Variants in ELK3 observed in about 807,000 individuals in gnomAD.
ELK3 encodes ETS transcription factor ELK3.
In ELK3, 10 loss-of-function variants were observed where a neutral mutation model predicts 28.9. That is an observed-to-expected ratio of 0.35 (90% CI 0.21 to 0.59). ELK3 has a LOEUF of 0.59. Ranked by LOEUF, ELK3 falls within the 20% of genes least tolerant of loss-of-function variation. The pLI is 0.82. For missense variants in ELK3, 463 were observed against 517.3 expected, an observed-to-expected ratio of 0.90 and a Z score of 1.02; for synonymous variants, 272 against 243.5, an observed-to-expected ratio of 1.12 and a Z score of -1.09.
chr12:96,232,944 G>A (rs545247889), intron 2 of ELK3, among the ~76,000 whole-genome samples: 18 of 152,172 alleles, frequency 1.2e-4, no homozygotes, highest in African/African-American at 3.6e-4. Flanking sequence ...CTCCAGCCTC[G>A]GCAACAGAGT....
chr12:96,253,851 G>A (rs900109004), intron 3 of ELK3, among the ~76,000 whole-genome samples: 8 of 152,264 alleles, frequency 5.3e-5, no homozygotes, highest in African/African-American at 1.9e-4. Context: ...CTAAGCATTC[G>A]CTTAGATACC....
intron 1 of ELK3, among the ~76,000 whole-genome samples, chr12:96,208,805 G>C (rs746611702): frequency 6.6e-6 from 1 of 152,236 alleles, no homozygotes; most frequent in Non-Finnish European, 1.5e-5. Flanking sequence ...CTCTCTCCAA[G>C]ATAGAACCAG....
intron 2 of ELK3, among the ~76,000 whole-genome samples, chr12:96,229,052 C>G (rs1056191586): frequency 1.3e-5 from 2 of 152,166 alleles, no homozygotes; most frequent in African/African-American, 4.8e-5. Flanking sequence ...TCTGGATGCA[C>G]CACTTTTGTC....
At chr12:96,250,046 A>G (rs984901622) in intron 3 of ELK3, among the ~76,000 whole-genome samples, 2 of 152,192 alleles carry the variant, frequency 1.3e-5, no homozygotes, top group African/African-American at 4.8e-5. Context: ...GGCAACAGGC[A>G]GCATCTGGAC....
At chr12:96,255,855 A>G (rs924295234) in intron 3 of ELK3, among the ~76,000 whole-genome samples, 1 of 152,214 alleles carries the variant, frequency 6.6e-6, no homozygotes. Flanking sequence ...GTCACCATAT[A>G]TAGGGTCAAA....
intron 3 of ELK3, among the ~76,000 whole-genome samples, chr12:96,256,582 T>C (rs1951950869): frequency 6.6e-6 from 1 of 152,122 alleles, no homozygotes; most frequent in African/African-American, 2.4e-5. Flanking sequence ...AGTTCATTGG[T>C]ATTTAGGAGA....
rs374141266 is a variant in ELK3 at position 96,234,146 on chromosome 12, G to A, written c.207+10373G>A. 9.7e-4 allele frequency among the ~76,000 whole-genome samples: 147 copies of A among 152,322 alleles called. 2 individuals are homozygous for A. Among genetic ancestry groups the A allele is most frequent in the African/African-American group, 3.4e-3 (142 of 41,574 alleles). ...GGCTGCTGGGAGCAGGGGGCTGCGTGTTGACTGAAGGTGCTGCCTGTCTTG... is the reference window on the plus strand; with the variant it reads ...GGCTGCTGGGAGCAGGGGGCTGCGTATTGACTGAAGGTGCTGCCTGTCTTG... On this transcript the variant is annotated intron_variant, in intron 2 of 4. Transcript: ENST00000228741.
intron 3 of ELK3, among the ~76,000 whole-genome samples, chr12:96,252,996 C>T (rs1055564401): frequency 6.6e-6 from 1 of 152,212 alleles, no homozygotes; most frequent in African/African-American, 2.4e-5. Context: ...TGCGCTGGCT[C>T]ACGCCTGTAA....
intron 3 of ELK3, among the ~76,000 whole-genome samples, chr12:96,250,852 C>A (rs1247468237): frequency 6.6e-6 from 1 of 152,062 alleles, no homozygotes. Flanking sequence ...TAACCCGATA[C>A]CCTGAAGGTA....
rs183778352 is a variant in ELK3 at position 96,224,109 on chromosome 12, G to A, written c.207+336G>A. On this transcript the variant is annotated intron_variant, in intron 2 of 4. Transcript: ENST00000228741. ...ATGACACAATGCGTGTTAAAATCCGGAAAGTCTGTTTATCCTGTCTGGTTT... is the reference window on the plus strand; with the variant it reads ...ATGACACAATGCGTGTTAAAATCCGAAAAGTCTGTTTATCCTGTCTGGTTT... 845 of 265,444 alleles carry A rather than the reference G, an allele frequency of 3.2e-3. 6 individuals carry two copies. Among genetic ancestry groups the A allele is most frequent in the Non-Finnish European group, 4.4e-3 (603 of 136,854 alleles). The allele number at this position is 265,444 out of a possible 1,614,324, so 16.4% of individuals were successfully genotyped here.
chr12:96,254,660 T>G lies in ELK3; in HGVS notation c.1003-5071T>G, dbSNP rs138912411. Among the ~76,000 whole-genome samples, 77 of 151,834 alleles carry G rather than the reference T, an allele frequency of 5.1e-4. 1 individual carries two copies. The East Asian group carries it at 0.013, about 25-fold the overall frequency. On this transcript the variant is annotated intron_variant, in intron 3 of 4. Transcript: ENST00000228741. ...GCTGGGGCTACAAACGTGGATAAAATAGTCTCTGATAGTTAGGAGCTCATA... is the reference window on the plus strand; with the variant it reads ...GCTGGGGCTACAAACGTGGATAAAAGAGTCTCTGATAGTTAGGAGCTCATA...
intron 3 of ELK3, among the ~76,000 whole-genome samples, chr12:96,253,688 T>C (rs1951925237): frequency 6.6e-6 from 1 of 152,224 alleles, no homozygotes; most frequent in South Asian, 2.1e-4. Context: ...ACATCTTGTT[T>C]CTCTCTCCTT....
intron 2 of ELK3, among the ~76,000 whole-genome samples, chr12:96,233,382 C>T (rs1951757353): frequency 6.6e-6 from 1 of 152,148 alleles, no homozygotes; most frequent in South Asian, 2.1e-4. Flanking sequence ...CCCTTCTCAT[C>T]AAGAGAGGAA....
At chr12:96,206,210 C>T (rs952380474) in intron 1 of ELK3, among the ~76,000 whole-genome samples, 5 of 152,134 alleles carry the variant, frequency 3.3e-5, no homozygotes, top group African/African-American at 1.2e-4. Flanking sequence ...AAAGGAGAAA[C>T]TTTAAAACCT....
intron 2 of ELK3, 200 bp downstream of exon 2, chr12:96,223,973 G>T: frequency 1.7e-6 from 1 of 586,058 alleles, no homozygotes; most frequent in East Asian, 2.9e-5. Flanking sequence ...ATTACTGAGG[G>T]TCACATTTTG....
At chr12:96,266,083 A>AACTT (rs1238340179) in intron 4 of ELK3, among the ~76,000 whole-genome samples, 1 of 152,236 alleles carries the variant, frequency 6.6e-6, no homozygotes, top group Non-Finnish European at 1.5e-5. Flanking sequence ...GGGACAACAA[A>AACTT]ACTTACGTTA....
chr12:96,259,927 A>C (rs368112202), intron 4 of ELK3, 74 bp downstream of exon 4: 2 of 1,490,454 alleles, frequency 1.3e-6, no homozygotes, highest in African/African-American at 2.8e-5. Flanking sequence ...CTGCAGAGGT[A>C]ACGGTGAGTT....
rs531495399 is a variant in ELK3, at chr12:96,249,235, C to T, written c.1002+1501C>T. Among the ~76,000 whole-genome samples the T allele has an allele frequency of 5.9e-5, 9 of 152,274 alleles. No individual in the cohort carries two copies. In the East Asian group the frequency reaches 1.4e-3, roughly 23 times the overall value. On this transcript the variant is annotated intron_variant, in intron 3 of 4. Transcript: ENST00000228741. ...TCTCAAATGAAATGCATTCCCGCTGCGAGAAGGCAGTGTCCCTGATCACGA... is the reference window on the plus strand; with the variant it reads ...TCTCAAATGAAATGCATTCCCGCTGTGAGAAGGCAGTGTCCCTGATCACGA...
chr12:96,228,342 C>T (rs372690045), intron 2 of ELK3, among the ~76,000 whole-genome samples: 4 of 140,994 alleles, frequency 2.8e-5, no homozygotes, highest in African/African-American at 8.0e-5. Context: ...CGCTTGAACC[C>T]GGGAGGCAGA....
Sources: gnomAD v4.1 joint callset for allele counts (sites outside exome capture counted in the v4.1 genomes callset) on GRCh38, gnomAD v4.1.1 for gene constraint, MANE v1.5 for transcripts, NCBI Gene and HGNC (gene_info 2026-07-23, HGNC 2026-07-21) for gene names.